The following NAV2 variants were observed in gnomAD, a reference collection of about 807,000 sequenced individuals.
NAV2 encodes neuron navigator 2.
NAV2 carries 54 observed loss-of-function variants against 223.2 expected under a neutral mutation model. The ratio of observed to expected loss-of-function variants is 0.24; its 90% CI spans 0.19 to 0.30. The LOEUF is 0.30. Among genes scored for constraint, NAV2 ranks in the 10% least tolerant of loss-of-function variants. The pLI, the probability that NAV2 is intolerant of heterozygous loss-of-function variation, is 1.00. For synonymous variants in NAV2, 1,279 were observed against 1,239.3 expected, an observed-to-expected ratio of 1.03 and a Z score of -0.67; for missense variants, 2,806 against 3,147.5, an observed-to-expected ratio of 0.89 and a Z score of 2.60.
Position 19,728,619 on chromosome 11 carries a change from G to C in NAV2, c.267+14657G>C, listed in dbSNP as rs73427794. Among the ~76,000 whole-genome samples, 695 of 152,320 alleles carry C rather than the reference G, an allele frequency of 4.6e-3. 10 individuals are homozygous for C. Among genetic ancestry groups the C allele is most frequent in the African/African-American group, 0.016 (660 of 41,566 alleles). On this transcript the variant is annotated intron_variant, in intron 1 of 37. Coordinates refer to ENST00000349880, the MANE Select transcript of NAV2 (RefSeq NM_145117.5). Reference sequence around the variant, plus strand: ...CTCTGCTTCCTCATCTGCACCACAGGCACCATAGCAATGACCTCACAGGGC... The same window carrying C: ...CTCTGCTTCCTCATCTGCACCACAGCCACCATAGCAATGACCTCACAGGGC...
At chr11:19,560,628 G>C (rs1365698421) in intron 1 of NAV2, among the ~76,000 whole-genome samples, 1 of 152,190 alleles carries the variant, frequency 6.6e-6, no homozygotes. Context: ...CTAAAGCACT[G>C]TACAAATATG....
intron 1 of NAV2, among the ~76,000 whole-genome samples, chr11:19,379,052 G>A (rs1482072473): frequency 1.3e-5 from 2 of 152,224 alleles, no homozygotes; most frequent in Admixed American, 6.5e-5. Context: ...CAGGGGCAGG[G>A]CAGAGAAGTT....
intron 4 of NAV2, among the ~76,000 whole-genome samples, chr11:19,872,446 TG>T (rs1438308638): frequency 1.3e-5 from 2 of 152,258 alleles, no homozygotes; most frequent in African/African-American, 4.8e-5. Flanking sequence ...GCCTGGTGTG[TG>T]CTACTGCACA....
At chr11:19,981,247 C>G (rs1043859485) in intron 10 of NAV2, 1 of 152,232 alleles carries the variant, frequency 6.6e-6, no homozygotes, top group African/African-American at 2.4e-5. Context: ...ATGTTCAGTT[C>G]CATTTCAGTC....
At chr11:19,913,374 T>A (rs549512286) in intron 6 of NAV2, among the ~76,000 whole-genome samples, 1 of 152,322 alleles carries the variant, frequency 6.6e-6, no homozygotes, top group South Asian at 2.1e-4. Flanking sequence ...CACATCCTTG[T>A]ATGTTGTCTT....
chr11:19,855,457 T>A (rs905072636), intron 3 of NAV2, among the ~76,000 whole-genome samples: 2 of 152,130 alleles, frequency 1.3e-5, no homozygotes, highest in Non-Finnish European at 2.9e-5. Flanking sequence ...GATGAAACTT[T>A]GAGATGAGTT....
rs2052710573 is a variant in NAV2, at chr11:20,003,026, C to A, written c.2768+18779C>A. Among the ~76,000 whole-genome samples the A allele has an allele frequency of 2.0e-5, 3 of 152,322 alleles. No homozygotes were observed. In the South Asian group the frequency reaches 6.2e-4, roughly 32 times the overall value. On this transcript the variant is annotated intron_variant, in intron 11 of 37. Transcript: ENST00000349880. ...CCAGAGTGGACAGTGGCTGTTCCAC[C>A]AACTGGGAGGAAGCGAGGCTACAGA...
At chr11:19,419,481 C>T (rs1262497127) in intron 1 of NAV2, among the ~76,000 whole-genome samples, 1 of 152,192 alleles carries the variant, frequency 6.6e-6, no homozygotes, top group Non-Finnish European at 1.5e-5. Context: ...ATCGACTGCT[C>T]CTCCCTTTCT....
chr11:19,982,931 A>C (rs2050428896), intron 10 of NAV2, among the ~76,000 whole-genome samples: 1 of 152,230 alleles, frequency 6.6e-6, no homozygotes, highest in Non-Finnish European at 1.5e-5. Flanking sequence ...AAGTGCAATT[A>C]AGCTTTCCAT....
At chr11:19,958,440 A>T (rs2048067611) in intron 10 of NAV2, among the ~76,000 whole-genome samples, 1 of 152,186 alleles carries the variant, frequency 6.6e-6, no homozygotes, top group South Asian at 2.1e-4. Context: ...CCAGTGAGGA[A>T]GTGATGGCTT....
chr11:19,389,827 G>A (rs796094342), intron 1 of NAV2, among the ~76,000 whole-genome samples: 13 of 152,276 alleles, frequency 8.5e-5, no homozygotes, highest in African/African-American at 2.9e-4. Context: ...CTCTCGCCCA[G>A]CCCACATTGC....
intron 2 of NAV2, among the ~76,000 whole-genome samples, chr11:19,838,725 G>A (rs1441101459): frequency 3.3e-5 from 5 of 152,208 alleles, no homozygotes; most frequent in Non-Finnish European, 5.9e-5. Context: ...CCGGGTTCAA[G>A]CAATTCTCCC....
intron 1 of NAV2, among the ~76,000 whole-genome samples, chr11:19,772,254 A>G (rs1484453060): frequency 6.6e-6 from 1 of 152,154 alleles, no homozygotes; most frequent in Non-Finnish European, 1.5e-5. Flanking sequence ...GATCCTAGAG[A>G]TGGCATTTCT....
intron 4 of NAV2, among the ~76,000 whole-genome samples, chr11:19,875,591 G>A (rs1393301987): frequency 6.6e-6 from 1 of 152,166 alleles, no homozygotes. Flanking sequence ...AGGCAAATCT[G>A]TAGAAACAGA....
At chr11:19,706,970 A>G (rs916115506) in intron 1 of NAV2, among the ~76,000 whole-genome samples, 1 of 152,228 alleles carries the variant, frequency 6.6e-6, no homozygotes, top group African/African-American at 2.4e-5. Context: ...ACCATAGGTA[A>G]TTACAACACA....
intron 6 of NAV2, among the ~76,000 whole-genome samples, chr11:19,912,631 C>T (rs541284536): frequency 6.6e-6 from 1 of 152,282 alleles, no homozygotes; most frequent in East Asian, 1.9e-4. Flanking sequence ...AACTGGAAAC[C>T]CTTACCCTTG....
chr11:19,599,184 C>T (rs2046290573), intron 1 of NAV2, among the ~76,000 whole-genome samples: 1 of 152,232 alleles, frequency 6.6e-6, no homozygotes, highest in African/African-American at 2.4e-5. Flanking sequence ...TCATGCCCAA[C>T]TTGTCAAGGG....
chr11:20,054,491 G>A (rs1300303479), intron 18 of NAV2, among the ~76,000 whole-genome samples: 1 of 152,080 alleles, frequency 6.6e-6, no homozygotes, highest in East Asian at 1.9e-4. Flanking sequence ...ATCGATTACA[G>A]GGGATTGACA....
intron 1 of NAV2, among the ~76,000 whole-genome samples, chr11:19,538,183 T>A (rs903678506): frequency 3.3e-5 from 5 of 152,214 alleles, no homozygotes; most frequent in African/African-American, 1.2e-4. Flanking sequence ...ATTGGAAGGA[T>A]CCTGGTGAGG....
Sources: gnomAD v4.1 joint callset for allele counts (sites outside exome capture counted in the v4.1 genomes callset) on GRCh38, gnomAD v4.1.1 for gene constraint, MANE v1.5 for transcripts, NCBI Gene and HGNC (gene_info 2026-07-23, HGNC 2026-07-21) for gene names.